The following SPDYE4 variants were observed in gnomAD, a reference collection of about 807,000 sequenced individuals.
SPDYE4 encodes the protein speedy/RINGO cell cycle regulator family member E4.
SPDYE4 carries 30 observed loss-of-function variants against 37.5 expected under a neutral mutation model. The observed-to-expected ratio is 0.80, with a 90% CI of 0.60 to 1.09. The LOEUF is 1.09. SPDYE4 is among the 50% of genes least tolerant of loss of function. The probability of loss-of-function intolerance (pLI) is 0.00; values close to 1 mark genes in which losing one functional copy is unlikely to be tolerated. For synonymous variants in SPDYE4, 131 were observed against 120.3 expected, an observed-to-expected ratio of 1.09 and a Z score of -0.58; for missense variants, 300 against 307.9, an observed-to-expected ratio of 0.97 and a Z score of 0.19.
chr17:8,748,923 G>A (rs551425785), downstream of SPDYE4, among the ~76,000 whole-genome samples: 1 of 152,244 alleles, frequency 6.6e-6, no homozygotes, highest in Admixed American at 6.5e-5. Flanking sequence ...AGTCACACAG[G>A]CAGATTCACC....
chr17:8,755,505 A>G lies in SPDYE4; in HGVS notation c.485+15T>C. On this transcript the variant is annotated intron_variant, in intron 4 of 6. Transcript: ENST00000689094. ...GTGTTGGATATTGACAGATGGGAAG[A>G]AGCAAACTACTCACAGAGCCAGGAA... is the stretch of plus-strand genomic sequence containing the variant. 1.2e-6 allele frequency: 2 copies of G among 1,610,606 alleles called. No individual in the cohort carries two copies.
chr17:8,755,405 A>T, intron 4 of SPDYE4, 115 bp downstream of exon 4: 2 of 1,262,200 alleles, frequency 1.6e-6, no homozygotes, highest in Non-Finnish European at 2.2e-6. Context: ...TCGTTTTTAT[A>T]TACAGAGTAA....
At position 8,751,861 on chromosome 17, in the gene SPDYE4, A is replaced by T; in HGVS notation, c.*421T>A. Among the ~76,000 whole-genome samples the T allele has an allele frequency of 6.6e-6, 1 of 152,208 alleles. No individual in the cohort carries two copies. Among genetic ancestry groups the T allele is most frequent in the South Asian group, 2.1e-4 (1 of 4,838 alleles). Reference sequence around the variant, plus strand: ...GCAGTAATTTCATATTTTACAAAGAATTCCGTAACAATCTGAGTGCCTGCG... The same window carrying T: ...GCAGTAATTTCATATTTTACAAAGATTTCCGTAACAATCTGAGTGCCTGCG... On this transcript the variant is annotated 3_prime_UTR_variant, in exon 7 of 7. Coordinates refer to ENST00000689094, the MANE Select transcript of SPDYE4 (RefSeq NM_001394956.1).
intron 4 of SPDYE4, among the ~76,000 whole-genome samples, 152 bp from the exon 5 acceptor site, chr17:8,753,641 C>A (rs61319764): frequency 0.045 from 6,902 of 152,100 alleles, 274 homozygotes; most frequent in African/African-American, 0.1. Context: ...GGAGGCCCCG[C>A]TGGACAGAGA....
At position 8,756,373 on chromosome 17, in the gene SPDYE4, C is replaced by T; in HGVS notation, c.399+5G>A. ...GGAACACAGTTGAGTGGAGAACAAC[C>T]TTACCTTGTCTGACACCCTCAGGTC... On this transcript the variant is annotated splice_donor_5th_base_variant and intron_variant, in intron 3 of 6. Coordinates refer to ENST00000689094, the MANE Select transcript of SPDYE4 (RefSeq NM_001394956.1). 1 of 1,613,796 alleles carries T rather than the reference C, an allele frequency of 6.2e-7. No individual in the cohort carries two copies. Among genetic ancestry groups the T allele is most frequent in the Non-Finnish European group, 8.5e-7 (1 of 1,179,806 alleles).
Position 8,751,517 on chromosome 17 carries a change from G to C in SPDYE4, c.*765C>G, listed in dbSNP as rs543318224. Among the ~76,000 whole-genome samples the C allele has an allele frequency of 5.2e-4, 79 of 152,270 alleles. 1 individual carries two copies. In the South Asian group the frequency reaches 0.016, roughly 30 times the overall value. ...AAGAATGTAGGGGAACTACCACCTAGCTATAAATATAATGGATATATTAGG... is the reference window on the plus strand; with the variant it reads ...AAGAATGTAGGGGAACTACCACCTACCTATAAATATAATGGATATATTAGG... On this transcript the variant is annotated 3_prime_UTR_variant, in exon 7 of 7. Coordinates refer to ENST00000689094, the MANE Select transcript of SPDYE4 (RefSeq NM_001394956.1).
downstream of SPDYE4, among the ~76,000 whole-genome samples, chr17:8,747,908 T>C (rs573851612): frequency 6.6e-6 from 1 of 152,366 alleles, no homozygotes; most frequent in East Asian, 1.9e-4. Context: ...CAGTTCCACA[T>C]GGCTGGGAGG....
At chr17:8,748,002 T>C (rs1379060555), downstream of SPDYE4, among the ~76,000 whole-genome samples, 2 of 152,176 alleles carry the variant, frequency 1.3e-5, no homozygotes, top group Non-Finnish European at 2.9e-5. Context: ...TGGAAACTCC[T>C]GATAAACCCA....
rs1175429064 is a variant in SPDYE4 at position 8,753,124 on chromosome 17, A to G, written c.*14T>C. The G allele has an allele frequency of 1.2e-6, 2 of 1,613,936 alleles. No individual in the cohort carries two copies. Among genetic ancestry groups the G allele is most frequent in the South Asian group, 2.2e-5 (2 of 91,066 alleles). On this transcript the variant is annotated 3_prime_UTR_variant, in exon 6 of 7. Transcript: ENST00000689094. ...CTCAGGCCGATGACCTCAGGCCTCC[A>G]TGTCCCCGGAGCTCTAGGAAATGAG... is the stretch of plus-strand genomic sequence containing the variant.
chr17:8,758,156 T>A (rs2086790195), intron 1 of SPDYE4, 118 bp downstream of exon 1: 1 of 847,478 alleles, frequency 1.2e-6, no homozygotes, highest in African/African-American at 1.7e-5. Context: ...CCTGGCTTCC[T>A]GAGTCCGTCG....
chr17:8,754,630 G>C (rs936966120), intron 4 of SPDYE4, among the ~76,000 whole-genome samples: 1 of 152,130 alleles, frequency 6.6e-6, no homozygotes, highest in African/African-American at 2.4e-5. Flanking sequence ...CTTCAACAGG[G>C]GTCTACTCTG....
Position 8,757,373 on chromosome 17 carries a change from G to A in SPDYE4, c.229C>T (p.Pro77Ser). 1 of 1,594,106 alleles carries A rather than the reference G, an allele frequency of 6.3e-7. No individual in the cohort carries two copies. Among genetic ancestry groups the A allele is most frequent in the Admixed American group, 1.8e-5 (1 of 55,862 alleles). Residue 77 changes from proline to serine, a missense_variant, in exon 2 of 7, where the codon CCC (proline) becomes TCC (serine). By Grantham distance (74) the Pro-to-Ser change is moderately conservative. Coordinates refer to ENST00000689094, the MANE Select transcript of SPDYE4 (RefSeq NM_001394956.1). ...EELELERAPE[P>S]EDTWVVETLC... ...GTCTCCACCACCCAGGTGTCCTCGG[G>A]CTCAGGGGCGCGCTCCAACTCCAGC...
At position 8,756,417 on chromosome 17, in the gene SPDYE4, T is replaced by G. The variant is rs761356302; in HGVS notation, c.360A>C (p.Lys120Asn). ...NRLLGDPVVQ[K>N]FLAWDKDLRV... The stretch of plus-strand genomic sequence containing the variant: ...TCAGGTCTTTGTCCCAGGCCAGGAA[T>G]TTTTGAACGACAGGATCCCCTGTGA... Residue 120 changes from lysine (K) to asparagine (N), a missense_variant, in exon 3 of 7, where the codon AAA becomes AAC. Physicochemically the swap from Lys to Asn is moderately conservative, Grantham distance 94. Transcript: ENST00000689094. 2.5e-6 allele frequency: 4 copies of G among 1,613,746 alleles called. No homozygotes were observed. The highest frequency in any genetic ancestry group is 2.5e-6 in the Non-Finnish European group (3 of 1,179,880).
chr17:8,757,532 A>G (rs759638577), intron 1 of SPDYE4, 40 bp from the exon 2 acceptor site: 1 of 1,597,608 alleles, frequency 6.3e-7, no homozygotes, highest in Non-Finnish European at 8.5e-7. Flanking sequence ...TGTTTCTGCC[A>G]TTGATCACCT....
In SPDYE4 at chr17:8,757,382, C is replaced by A; in HGVS notation, c.220G>T (p.Ala74Ser). Reference sequence around the variant, plus strand: ...ACCCAGGTGTCCTCGGGCTCAGGGGCGCGCTCCAACTCCAGCTCCTCCTCC... The same window carrying A: ...ACCCAGGTGTCCTCGGGCTCAGGGGAGCGCTCCAACTCCAGCTCCTCCTCC... ...ELEEELELER[A>S]PEPEDTWVVE... is the part of the protein sequence containing the mutation. Residue 74 changes from alanine to serine, a missense_variant, in exon 2 of 7, where the codon GCC (alanine) becomes TCC (serine). Ala to Ser is a moderately conservative substitution (Grantham distance 99). Coordinates refer to ENST00000689094, the MANE Select transcript of SPDYE4 (RefSeq NM_001394956.1). 7 of 1,592,422 alleles carry A rather than the reference C, an allele frequency of 4.4e-6. No individual in the cohort carries two copies. Among genetic ancestry groups the A allele is most frequent in the Non-Finnish European group, 6.0e-6 (7 of 1,169,146 alleles).
At chr17:8,750,311 C>A (rs942060654), downstream of SPDYE4, among the ~76,000 whole-genome samples, 1 of 152,114 alleles carries the variant, frequency 6.6e-6, no homozygotes, top group Non-Finnish European at 1.5e-5. Context: ...ATTGCTTGAA[C>A]TTGGGAGGTG....
chr17:8,753,545 T>C (rs1391289940), intron 4 of SPDYE4, 56 bp from the exon 5 acceptor site: 1 of 1,593,224 alleles, frequency 6.3e-7, no homozygotes. Context: ...GACCCCTGCC[T>C]GAGGGCAGCC....
rs1319376583 is a variant in SPDYE4 at position 8,751,191 on chromosome 17, T to G, written c.*1091A>C. ...GATAAAAAGATTTAAAAATAAAACA[T>G]TTAGGATAAAAAGAATCCTCTCTTA... is the stretch of plus-strand genomic sequence containing the variant. On this transcript the variant is annotated 3_prime_UTR_variant, in exon 7 of 7. Transcript: ENST00000689094. Among the ~76,000 whole-genome samples the G allele has an allele frequency of 6.6e-6, 1 of 152,194 alleles. No homozygotes were observed. Among genetic ancestry groups the G allele is most frequent in the Non-Finnish European group, 1.5e-5 (1 of 68,034 alleles).
In SPDYE4 at chr17:8,753,451, G is replaced by A. The variant is rs763254969; in HGVS notation, c.524C>T (p.Pro175Leu). The A allele has an allele frequency of 9.3e-6, 15 of 1,612,974 alleles. No individual in the cohort carries two copies. The highest frequency in any genetic ancestry group is 8.0e-5 in the African/African-American group (6 of 74,872). Residue 175 changes from proline to leucine, a missense_variant, in exon 5 of 7, where the codon CCG becomes CTG. Physicochemically the swap from Pro to Leu is moderately conservative, Grantham distance 98. Coordinates refer to ENST00000689094, the MANE Select transcript of SPDYE4 (RefSeq NM_001394956.1). Reference protein sequence around the residue: ...ASDMEEDNQAPKQDIFSFLYG... With the variant: ...ASDMEEDNQALKQDIFSFLYG... ...GAGGAAGGAGAAGATGTCTTGTTTC[G>A]GGGCCTGGTTGTCCTCCTCCATGTC...
Sources: allele counts gnomAD v4.1 joint callset (sites outside exome capture counted in the v4.1 genomes callset), GRCh38; gene constraint gnomAD v4.1.1; transcripts MANE v1.5; gene names NCBI Gene and HGNC (gene_info 2026-07-23, HGNC 2026-07-21).